The following LIPC variants were observed in gnomAD, a reference collection of about 807,000 sequenced individuals.
LIPC encodes the protein hepatic triacylglycerol lipase.
Under a neutral mutation model 50.7 loss-of-function variants are expected in LIPC, and 44 were observed. The ratio of observed to expected loss-of-function variants is 0.87; its 90% CI spans 0.68 to 1.11. The LOEUF (loss-of-function observed/expected upper bound fraction) is 1.11, where lower values mean the gene tolerates loss of function less well. Among genes scored for constraint, LIPC ranks in the 50% most tolerant of loss-of-function variants. The pLI is 0.00. For missense variants in LIPC, 697 were observed against 648.2 expected, an observed-to-expected ratio of 1.08 and a Z score of -0.82; for synonymous variants, 271 against 256.4, an observed-to-expected ratio of 1.06 and a Z score of -0.54.
chr15:58,524,649 A>T (rs1892749492), intron 1 of LIPC, among the ~76,000 whole-genome samples: 1 of 152,058 alleles, frequency 6.6e-6, no homozygotes. Context: ...TGTATTTTTC[A>T]TCTTAGGAGT....
intron 3 of LIPC, 150 bp from the exon 4 acceptor site, chr15:58,542,384 T>G: frequency 1.4e-6 from 1 of 729,910 alleles, no homozygotes; most frequent in Non-Finnish European, 2.5e-6. Flanking sequence ...GTCAGCCAGT[T>G]GAGAGATTAG....
intron 1 of LIPC, among the ~76,000 whole-genome samples, chr15:58,453,086 C>T (rs373068953): frequency 7.2e-5 from 11 of 152,300 alleles, no homozygotes; most frequent in African/African-American, 2.2e-4. Flanking sequence ...TCTTCTTCCC[C>T]GCCTCTGAGG....
intron 1 of LIPC, among the ~76,000 whole-genome samples, chr15:58,462,393 T>TC (rs1894385418): frequency 6.6e-6 from 1 of 152,112 alleles, no homozygotes; most frequent in Non-Finnish European, 1.5e-5. Flanking sequence ...CCCTATTCTG[T>TC]CCCCCTAAAC....
chr15:58,547,674 C>A (rs895612238), intron 5 of LIPC, among the ~76,000 whole-genome samples: 4 of 77,228 alleles, frequency 5.2e-5, no homozygotes, highest in Admixed American at 1.4e-4. Context: ...AGATCAACCT[C>A]ATAAGCTTGT....
intron 1 of LIPC, among the ~76,000 whole-genome samples, chr15:58,479,847 C>T (rs1004582669): frequency 2.6e-5 from 4 of 152,180 alleles, no homozygotes; most frequent in Admixed American, 2.0e-4. Flanking sequence ...AAATTAGAGT[C>T]ATAAAATCAC....
intron 6 of LIPC, among the ~76,000 whole-genome samples, chr15:58,552,094 C>T (rs1893783329): frequency 6.6e-6 from 1 of 152,198 alleles, no homozygotes; most frequent in Non-Finnish European, 1.5e-5. Flanking sequence ...CGGATCTGTA[C>T]GGAGTAAATC....
intron 1 of LIPC, among the ~76,000 whole-genome samples, chr15:58,449,564 T>C (rs1389585910): frequency 6.6e-6 from 1 of 152,120 alleles, no homozygotes; most frequent in Non-Finnish European, 1.5e-5. Flanking sequence ...TTCTTTTTTT[T>C]TTTTTTAAGA....
At chr15:58,527,272 A>G (rs1385586721) in intron 1 of LIPC, among the ~76,000 whole-genome samples, 1 of 152,142 alleles carries the variant, frequency 6.6e-6, no homozygotes, top group Non-Finnish European at 1.5e-5. Flanking sequence ...TCATGAGGAA[A>G]TTAACATGCC....
At chr15:58,450,034 G>C (rs917939363) in intron 1 of LIPC, among the ~76,000 whole-genome samples, 4 of 152,218 alleles carry the variant, frequency 2.6e-5, no homozygotes, top group Admixed American at 2.6e-4. Context: ...AGTATGGAGA[G>C]ACCCTTAGCA....
chr15:58,464,135 C>T (rs1894453216), intron 1 of LIPC, among the ~76,000 whole-genome samples: 1 of 152,136 alleles, frequency 6.6e-6, no homozygotes, highest in African/African-American at 2.4e-5. Flanking sequence ...ATAAAAGGAG[C>T]ATGCACCTGT....
intron 1 of LIPC, among the ~76,000 whole-genome samples, chr15:58,490,716 C>T (rs1258555175): frequency 6.6e-6 from 1 of 152,158 alleles, no homozygotes; most frequent in African/African-American, 2.4e-5. Flanking sequence ...TCTCTGAACC[C>T]GGGGCTGGGA....
intron 1 of LIPC, among the ~76,000 whole-genome samples, chr15:58,488,896 T>C (rs12592407): frequency 0.089 from 13,571 of 152,168 alleles, 760 homozygotes; most frequent in Non-Finnish European, 0.13. Context: ...ATTTGGGAGT[T>C]CTGGTTTAAT....
intron 6 of LIPC, among the ~76,000 whole-genome samples, chr15:58,552,839 C>A (rs1396351409): frequency 1.3e-5 from 2 of 152,144 alleles, no homozygotes; most frequent in East Asian, 3.9e-4. Flanking sequence ...ACTTATGTGA[C>A]CTTGACCTAA....
chr15:58,539,612 C>A (rs769163575), intron 2 of LIPC, among the ~76,000 whole-genome samples: 2 of 152,058 alleles, frequency 1.3e-5, no homozygotes, highest in Non-Finnish European at 2.9e-5. Context: ...CCTTTCCCTG[C>A]CATCTAGTTG....
chr15:58,496,743 C>CAAAAAAAAAAATAAAAAAAA (rs1891778793), intron 1 of LIPC, among the ~76,000 whole-genome samples: 1 of 114,180 alleles, frequency 8.8e-6, no homozygotes, highest in Non-Finnish European at 1.8e-5. Context: ...TCTTCCCCCT[C>CAAAAAAAAAAATAAAAAAAA]AAAAAAAAAA....
At chr15:58,558,249 T>C (rs534059463) in intron 6 of LIPC, among the ~76,000 whole-genome samples, 1 of 147,748 alleles carries the variant, frequency 6.8e-6, no homozygotes, top group Non-Finnish European at 1.5e-5. Flanking sequence ...ATTTTTGTAT[T>C]TTTAGTAGAG....
At chr15:58,468,303 T>C (rs1894650010) in intron 1 of LIPC, among the ~76,000 whole-genome samples, 1 of 152,112 alleles carries the variant, frequency 6.6e-6, no homozygotes, top group South Asian at 2.1e-4. Context: ...AACACCTATG[T>C]CCATGACAGT....
intron 1 of LIPC, chr15:58,435,398 T>C (rs1306228113): frequency 6.8e-6 from 1 of 146,002 alleles, no homozygotes; most frequent in Admixed American, 6.8e-5. Flanking sequence ...TGCAAACCAC[T>C]GCGCTTGTGC....
chr15:58,466,767 T>G (rs1226047150), intron 1 of LIPC, among the ~76,000 whole-genome samples: 1 of 152,256 alleles, frequency 6.6e-6, no homozygotes, highest in Non-Finnish European at 1.5e-5. Context: ...CTCAGTCAGC[T>G]GAGCATTTTA....
Sources: gnomAD v4.1 joint callset for allele counts (sites outside exome capture counted in the v4.1 genomes callset) on GRCh38, gnomAD v4.1.1 for gene constraint, MANE v1.5 for transcripts, NCBI Gene and HGNC (gene_info 2026-07-23, HGNC 2026-07-21) for gene names.